Variants in GNA14 observed in about 807,000 individuals in gnomAD.
The protein encoded by GNA14 is guanine nucleotide-binding protein subunit alpha-14.
In GNA14, 50 loss-of-function variants were observed where a neutral mutation model predicts 42.0. The ratio of observed to expected loss-of-function variants is 1.19; its 90% CI spans 0.95 to 1.51. The LOEUF is 1.51. Among genes scored for constraint, GNA14 ranks in the 40% most tolerant of loss-of-function variants. GNA14 has a pLI of 0.00. For missense variants in GNA14, 473 were observed against 446.2 expected (o/e 1.06, Z -0.54); for synonymous variants, 173 against 163.1 (o/e 1.06, Z -0.46).
At position 77,425,647 on chromosome 9, in the gene GNA14, A is replaced by T. The variant is rs781712782; in HGVS notation, c.792T>A (p.Ser264=). 15 of 1,607,882 alleles carry T rather than the reference A, an allele frequency of 9.3e-6. No homozygotes were observed. Among genetic ancestry groups the T allele is most frequent in the Non-Finnish European group, 1.3e-5 (15 of 1,174,442 alleles). The change falls in exon 6 of 7, where the codon TCT becomes TCA. Residue 264 remains serine (S), a synonymous_variant. Coordinates refer to ENST00000341700, the MANE Select transcript of GNA14 (RefSeq NM_004297.4). The part of the protein sequence containing the change: ...IITYPWFLNS[S]VILFLNKKDL... ...CCTTCTTGTTCAAGAATAAAATCAC[A>T]GACGAATTCAGAAACCAGGGGTAGG...
chr9:77,538,075 T>TG lies in GNA14; in HGVS notation c.125-8823_125-8822insC, dbSNP rs893394736. On this transcript the variant is annotated intron_variant, in intron 1 of 6. Transcript: ENST00000341700. ...TGCTGTACAGAAGCTTCTTTTTTTT[T>TG]TTTTTCCCTTAAAGAGACAAGGTTT... Among the ~76,000 whole-genome samples the TG allele has an allele frequency of 9.9e-5, 15 of 151,378 alleles. 1 individual carries two copies. Among genetic ancestry groups the TG allele is most frequent in the African/African-American group, 3.6e-4 (15 of 41,182 alleles).
At chr9:77,629,304 T>C (rs1416950425) in intron 1 of GNA14, among the ~76,000 whole-genome samples, 1 of 152,216 alleles carries the variant, frequency 6.6e-6, no homozygotes, top group East Asian at 1.9e-4. Context: ...GTTCAACCAT[T>C]GTGGAAGACA....
At chr9:77,438,196 A>G (rs1053229921) in intron 2 of GNA14, among the ~76,000 whole-genome samples, 8 of 152,218 alleles carry the variant, frequency 5.3e-5, no homozygotes, top group Admixed American at 2.6e-4. Flanking sequence ...AATTCGGAGC[A>G]GACTGCACCT....
chr9:77,578,780 T>C (rs906502606), intron 1 of GNA14, among the ~76,000 whole-genome samples: 1 of 152,088 alleles, frequency 6.6e-6, no homozygotes, highest in Non-Finnish European at 1.5e-5. Context: ...TATGAAGAGG[T>C]AGGCTTCAAA....
intron 2 of GNA14, among the ~76,000 whole-genome samples, chr9:77,482,873 A>T (rs1836582056): frequency 6.6e-6 from 1 of 151,980 alleles, no homozygotes; most frequent in South Asian, 2.1e-4. Flanking sequence ...TGCATCCTTC[A>T]CGTCGTTCTT....
chr9:77,464,857 A>G (rs1052520781), intron 2 of GNA14, among the ~76,000 whole-genome samples: 47 of 152,212 alleles, frequency 3.1e-4, no homozygotes, highest in African/African-American at 1.1e-3. Flanking sequence ...TAATACAAGC[A>G]GTGTTTTTTT....
At chr9:77,553,273 G>T (rs1367698251) in intron 1 of GNA14, among the ~76,000 whole-genome samples, 1 of 152,146 alleles carries the variant, frequency 6.6e-6, no homozygotes, top group Non-Finnish European at 1.5e-5. Flanking sequence ...GAGAGAGTAA[G>T]GGAAGGAATG....
intron 2 of GNA14, among the ~76,000 whole-genome samples, chr9:77,441,109 C>T (rs561066200): frequency 1.2e-4 from 19 of 152,290 alleles, no homozygotes; most frequent in South Asian, 1.0e-3. Context: ...TTAATATTTT[C>T]GTTAAAATTA....
At chr9:77,492,733 G>A (rs963085128) in intron 2 of GNA14, among the ~76,000 whole-genome samples, 1 of 151,944 alleles carries the variant, frequency 6.6e-6, no homozygotes, top group Non-Finnish European at 1.5e-5. Context: ...CAGGCACTGT[G>A]GCTCACGCCT....
At chr9:77,608,850 C>T (rs1823684166) in intron 1 of GNA14, among the ~76,000 whole-genome samples, 1 of 151,310 alleles carries the variant, frequency 6.6e-6, no homozygotes, top group South Asian at 2.1e-4. Context: ...ATTTCTGCCC[C>T]CTTTAGTCCC....
rs570857338 is a variant in GNA14, at chr9:77,637,697, T to C, written c.124+9973A>G. On this transcript the variant is annotated intron_variant, in intron 1 of 6. Transcript: ENST00000341700. ...TAGCAAGACCCCATCTCCAAAGAAA[T>C]ATTTAAAACCTAGCCGGGTGTGGTA... Among the ~76,000 whole-genome samples the C allele has an allele frequency of 3.3e-5, 5 of 151,928 alleles. No homozygotes were observed. In the South Asian group the frequency reaches 1.0e-3, roughly 32 times the overall value.
chr9:77,562,387 G>A (rs1404227618), intron 1 of GNA14, among the ~76,000 whole-genome samples: 1 of 152,038 alleles, frequency 6.6e-6, no homozygotes, highest in Non-Finnish European at 1.5e-5. Flanking sequence ...TACAGGGACA[G>A]AACCCAAAAA....
At chr9:77,547,798 C>T (rs7873413) in intron 1 of GNA14, among the ~76,000 whole-genome samples, 21,226 of 152,118 alleles carry the variant, frequency 0.14, 1,882 homozygotes, top group African/African-American at 0.24. Context: ...AAGTATAATA[C>T]ATCAAGTAAA....
chr9:77,493,252 T>G (rs967205954), intron 2 of GNA14, among the ~76,000 whole-genome samples: 7 of 151,852 alleles, frequency 4.6e-5, no homozygotes, highest in African/African-American at 1.7e-4. Flanking sequence ...CGGCTCCTTT[T>G]TTGTGCCTCC....
intron 1 of GNA14, among the ~76,000 whole-genome samples, chr9:77,552,808 T>C (rs977943455): frequency 6.6e-6 from 1 of 152,232 alleles, no homozygotes; most frequent in South Asian, 2.1e-4. Flanking sequence ...ATACAATTAG[T>C]GCTATTAAGC....
At chr9:77,542,871 G>A (rs1053270671) in intron 1 of GNA14, among the ~76,000 whole-genome samples, 6 of 152,208 alleles carry the variant, frequency 3.9e-5, no homozygotes, top group Non-Finnish European at 5.9e-5. Flanking sequence ...GAACTAGGTT[G>A]GTGGACGTGT....
At chr9:77,513,767 G>A (rs1267042282) in intron 2 of GNA14, among the ~76,000 whole-genome samples, 2 of 152,188 alleles carry the variant, frequency 1.3e-5, no homozygotes, top group African/African-American at 4.8e-5. Context: ...TCTGGGTTTA[G>A]GACAAGTCCT....
intron 2 of GNA14, among the ~76,000 whole-genome samples, chr9:77,493,878 G>A (rs1320988550): frequency 1.3e-5 from 2 of 152,104 alleles, no homozygotes; most frequent in African/African-American, 4.8e-5. Flanking sequence ...CTTCTAGAGT[G>A]CACAAGATTT....
intron 1 of GNA14, among the ~76,000 whole-genome samples, chr9:77,632,756 C>A (rs1824119149): frequency 6.6e-6 from 1 of 152,178 alleles, no homozygotes; most frequent in African/African-American, 2.4e-5. Context: ...CCTGGAGCTG[C>A]CCACCCTGCT....
Sources: allele counts gnomAD v4.1 joint callset (sites outside exome capture counted in the v4.1 genomes callset), GRCh38; gene constraint gnomAD v4.1.1; transcripts MANE v1.5; gene names NCBI Gene and HGNC (gene_info 2026-07-23, HGNC 2026-07-21).